The following EIF3H variants were observed in gnomAD, a reference collection of about 807,000 sequenced individuals.
EIF3H encodes the protein eIF-3-gamma.
Under a neutral mutation model 44.2 loss-of-function variants are expected in EIF3H, and 26 were observed. That is an observed-to-expected ratio of 0.59 (90% CI 0.43 to 0.82). The LOEUF is 0.82. Ranked by LOEUF, EIF3H falls within the 40% of genes least tolerant of loss-of-function variation. The pLI, the probability that EIF3H is intolerant of heterozygous loss-of-function variation, is 0.00. For synonymous variants in EIF3H, 166 were observed against 151.9 expected (o/e 1.09, Z -0.68); for missense variants, 359 against 432.8 (o/e 0.83, Z 1.51).
intron 1 of EIF3H, among the ~76,000 whole-genome samples, chr8:116,746,283 T>A (rs1276367209): frequency 3.3e-5 from 5 of 152,188 alleles, no homozygotes; most frequent in African/African-American, 9.7e-5. Flanking sequence ...AGCACTAGAT[T>A]AACTATTCTG....
At chr8:116,724,382 T>C (rs1332256653) in intron 2 of EIF3H, among the ~76,000 whole-genome samples, 2 of 152,126 alleles carry the variant, frequency 1.3e-5, no homozygotes, top group Non-Finnish European at 2.9e-5. Context: ...TTCATGACAT[T>C]GGATTTGGCA....
At chr8:116,748,053 G>C (rs1473960975) in intron 1 of EIF3H, among the ~76,000 whole-genome samples, 1 of 152,036 alleles carries the variant, frequency 6.6e-6, no homozygotes, top group Non-Finnish European at 1.5e-5. Context: ...GGAGGTTGCA[G>C]TGAGCCAAGA....
intron 1 of EIF3H, among the ~76,000 whole-genome samples, chr8:116,751,970 C>A (rs922897316): frequency 6.6e-6 from 1 of 152,050 alleles, no homozygotes; most frequent in Admixed American, 6.6e-5. Flanking sequence ...CTTCGTTACA[C>A]TACCTATGTC....
chr8:116,692,376 T>A (rs932019845), intron 2 of EIF3H, among the ~76,000 whole-genome samples: 1 of 152,096 alleles, frequency 6.6e-6, no homozygotes, highest in Non-Finnish European at 1.5e-5. Flanking sequence ...TTTACAAAAA[T>A]ACAAGCTACA....
rs892666265 is a variant in EIF3H at position 116,642,241 on chromosome 8, G to A, written c.*2765C>T. On this transcript the variant is annotated 3_prime_UTR_variant, in exon 8 of 8. Transcript: ENST00000521861. Reference sequence around the variant, plus strand: ...AGTTCGATGCCAGCATGGTTTGAAAGTGAAGCTGATACAAGTTTTCTAAAG... The same window carrying A: ...AGTTCGATGCCAGCATGGTTTGAAAATGAAGCTGATACAAGTTTTCTAAAG... 3.9e-5 allele frequency: 6 copies of A among 152,094 alleles called. No homozygotes were observed. Among genetic ancestry groups the A allele is most frequent in the Non-Finnish European group, 5.9e-5 (4 of 68,004 alleles). The allele number at this position is 152,094 out of a possible 1,614,324, so 9.4% of individuals were successfully genotyped here.
intron 1 of EIF3H, among the ~76,000 whole-genome samples, chr8:116,730,924 G>A (rs1814940960): frequency 6.6e-6 from 1 of 152,144 alleles, no homozygotes; most frequent in Non-Finnish European, 1.5e-5. Flanking sequence ...TTTTACATAA[G>A]GAAACAAAGA....
At chr8:116,752,665 GAAGAAAGAAAGAAAGAAAGAAAGAAAGA>G (rs561596543) in intron 1 of EIF3H, among the ~76,000 whole-genome samples, 240 of 62,620 alleles carry the variant, frequency 3.8e-3, no homozygotes, top group Middle Eastern at 7.6e-3. Context: ...AGACAGAAAT[GAAGAAAGAAAGAAAGAAAGAAAGAAAGA>G]AAGAAAGAAA....
intron 2 of EIF3H, among the ~76,000 whole-genome samples, chr8:116,694,740 T>C (rs1814238659): frequency 6.6e-6 from 1 of 152,230 alleles, no homozygotes; most frequent in Admixed American, 6.5e-5. Context: ...ATGTAAATTA[T>C]TTTTGAAAAG....
chr8:116,652,952 G>A (rs1436767), intron 5 of EIF3H, among the ~76,000 whole-genome samples: 83,061 of 151,952 alleles, frequency 0.55, 24,632 homozygotes, highest in Non-Finnish European at 0.67. Context: ...AGGAAATGTC[G>A]TTAGCTACAT....
At chr8:116,680,968 T>G (rs1318238211) in intron 2 of EIF3H, among the ~76,000 whole-genome samples, 1 of 123,866 alleles carries the variant, frequency 8.1e-6, no homozygotes, top group African/African-American at 4.1e-5. Context: ...GTGGAATTTA[T>G]AAATTAAAAA....
At chr8:116,713,339 AGTATAGC>A (rs1268752116) in intron 2 of EIF3H, among the ~76,000 whole-genome samples, 1 of 152,120 alleles carries the variant, frequency 6.6e-6, no homozygotes, top group Non-Finnish European at 1.5e-5. Context: ...ACTAAGGGAG[AGTATAGC>A]GTAAAGCACT....
intron 1 of EIF3H, among the ~76,000 whole-genome samples, chr8:116,764,958 G>A (rs534052053): frequency 6.6e-6 from 1 of 152,274 alleles, no homozygotes; most frequent in East Asian, 1.9e-4. Context: ...ATTAAAAAAC[G>A]ACAACAAAAA....
At chr8:116,692,093 GA>G (rs1394237079) in intron 2 of EIF3H, among the ~76,000 whole-genome samples, 2 of 152,048 alleles carry the variant, frequency 1.3e-5, no homozygotes, top group East Asian at 3.8e-4. Flanking sequence ...AATCTCCCAA[GA>G]AATCCTTCCT....
chr8:116,729,883 G>T (rs1814921707), intron 1 of EIF3H, among the ~76,000 whole-genome samples: 1 of 152,174 alleles, frequency 6.6e-6, no homozygotes, highest in South Asian at 2.1e-4. Flanking sequence ...TTTCTGGAAA[G>T]AAGATTTCAA....
intron 2 of EIF3H, chr8:116,689,202 A>T: frequency 2.6e-6 from 1 of 383,078 alleles, no homozygotes; most frequent in South Asian, 1.9e-5. Context: ...GTATAATTCC[A>T]CTTACATGAG....
chr8:116,668,957 C>T (rs1813710134), intron 2 of EIF3H, among the ~76,000 whole-genome samples: 1 of 152,016 alleles, frequency 6.6e-6, no homozygotes, highest in Admixed American at 6.5e-5. Context: ...ATTAACTTGG[C>T]CTCCATGGAG....
At chr8:116,666,776 A>AAAAAG (rs1554598153) in intron 2 of EIF3H, among the ~76,000 whole-genome samples, 3 of 150,860 alleles carry the variant, frequency 2.0e-5, no homozygotes, top group Non-Finnish European at 4.4e-5. Context: ...AAAAAAAAAA[A>AAAAAG]TTACACTATG....
intron 2 of EIF3H, among the ~76,000 whole-genome samples, chr8:116,686,629 A>G (rs1814082180): frequency 6.6e-6 from 1 of 151,868 alleles, no homozygotes; most frequent in Non-Finnish European, 1.5e-5. Flanking sequence ...ATGTTTAAAA[A>G]AAAAAAAAGC....
intron 2 of EIF3H, among the ~76,000 whole-genome samples, chr8:116,677,384 A>T (rs1813867628): frequency 6.6e-6 from 1 of 152,226 alleles, no homozygotes; most frequent in Admixed American, 6.5e-5. Context: ...CTGTTCGATG[A>T]TGGTTAAGAT....
Sources: gnomAD v4.1 joint callset for allele counts (sites outside exome capture counted in the v4.1 genomes callset) on GRCh38, gnomAD v4.1.1 for gene constraint, MANE v1.5 for transcripts, NCBI Gene and HGNC (gene_info 2026-07-23, HGNC 2026-07-21) for gene names.